Variants in ADGRD1 observed in about 807,000 individuals in gnomAD.
The protein encoded by ADGRD1 is adhesion G protein-coupled receptor D1, also known as G-protein coupled receptor 133.
A neutral mutation model predicts 113.4 loss-of-function variants in ADGRD1; 77 were observed. The ratio of observed to expected loss-of-function variants is 0.68; its 90% CI spans 0.57 to 0.82. The LOEUF is 0.82. ADGRD1 is among the 40% of genes least tolerant of loss of function. The pLI is 0.00. For missense variants in ADGRD1, 1,036 were observed against 1,139.1 expected (o/e 0.91, Z 1.30); for synonymous variants, 474 against 475.0 (o/e 1.00, Z 0.03).
At chr12:130,973,928 A>G (rs1424676349) in intron 4 of ADGRD1, among the ~76,000 whole-genome samples, 1 of 152,174 alleles carries the variant, frequency 6.6e-6, no homozygotes. Context: ...TCTCTAACTT[A>G]AAGAAAAAGA....
intron 4 of ADGRD1, among the ~76,000 whole-genome samples, chr12:130,974,271 G>A (rs1043374225): frequency 6.6e-6 from 1 of 152,314 alleles, no homozygotes; most frequent in African/African-American, 2.4e-5. Context: ...AGGAGGCAGA[G>A]GAGGCCTTCT....
Position 131,003,043 on chromosome 12 carries a change from C to T in ADGRD1, c.1027-142C>T. 1.3e-6 allele frequency: 1 copy of T among 765,408 alleles called. No individual in the cohort carries two copies. The highest frequency in any genetic ancestry group is 1.5e-5 in the South Asian group (1 of 64,670). The allele number at this position is 765,408 out of a possible 1,614,324, so 47.4% of individuals were successfully genotyped here. On this transcript the variant is annotated intron_variant, in intron 9 of 24. Coordinates refer to ENST00000261654, the MANE Select transcript of ADGRD1 (RefSeq NM_198827.5). The surrounding 1 kb of genome is among the most constrained non-coding windows in gnomAD (Gnocchi z 4.8). Reference sequence around the variant, plus strand: ...GCCTCCGTGTGGTCCCCTCCTGATCCATGGGAAGGGGCAGTTGTGTGACTT... The same window carrying T: ...GCCTCCGTGTGGTCCCCTCCTGATCTATGGGAAGGGGCAGTTGTGTGACTT...
At chr12:131,018,366 C>T (rs967042709) in intron 13 of ADGRD1, among the ~76,000 whole-genome samples, 10 of 152,180 alleles carry the variant, frequency 6.6e-5, no homozygotes, top group South Asian at 2.1e-4. Flanking sequence ...GGTTAAATCC[C>T]GCCTTGCCCC....
intron 5 of ADGRD1, among the ~76,000 whole-genome samples, chr12:130,982,599 G>A (rs978059176): frequency 6.6e-6 from 1 of 152,294 alleles, no homozygotes; most frequent in East Asian, 1.9e-4. Flanking sequence ...ACGAGAAGAA[G>A]CTTTTGGAGA....
At chr12:131,073,784 T>A (rs925212589) in intron 13 of ADGRD1, among the ~76,000 whole-genome samples, 6 of 152,188 alleles carry the variant, frequency 3.9e-5, no homozygotes. Context: ...TGAAAGAGAC[T>A]GCAAGAGCGA....
At chr12:130,974,157 G>A (rs1439680672) in intron 4 of ADGRD1, among the ~76,000 whole-genome samples, 1 of 152,072 alleles carries the variant, frequency 6.6e-6, no homozygotes, top group African/African-American at 2.4e-5. Flanking sequence ...TGGCTCAGGC[G>A]GATTCTCCTG....
intron 15 of ADGRD1, among the ~76,000 whole-genome samples, chr12:131,095,437 G>A (rs190084187): frequency 6.6e-6 from 1 of 152,388 alleles, no homozygotes; most frequent in East Asian, 1.9e-4. Context: ...AGAAGTGTCT[G>A]CTCTGGAGTG....
chr12:131,107,882 A>C (rs570590506), intron 17 of ADGRD1, among the ~76,000 whole-genome samples: 1 of 152,354 alleles, frequency 6.6e-6, no homozygotes, highest in African/African-American at 2.4e-5. Flanking sequence ...TTGGAGCGCC[A>C]GCAGAGCTGG....
intron 13 of ADGRD1, among the ~76,000 whole-genome samples, chr12:131,043,725 G>A (rs567379146): frequency 5.5e-4 from 84 of 152,352 alleles, no homozygotes; most frequent in Non-Finnish European, 8.2e-4. Context: ...GAGTGCACCC[G>A]CAGGGCTGGG....
chr12:131,049,506 A>G (rs1395289662), intron 13 of ADGRD1, among the ~76,000 whole-genome samples: 6 of 152,146 alleles, frequency 3.9e-5, no homozygotes, highest in Non-Finnish European at 7.4e-5. Context: ...GTCACTTCCT[A>G]ATATGCCTTA....
chr12:130,987,001 T>C, intron 5 of ADGRD1, 94 bp from the exon 6 acceptor site: 2 of 1,088,338 alleles, frequency 1.8e-6, no homozygotes, highest in Non-Finnish European at 2.7e-6. Context: ...TTGATCACCT[T>C]AAGAAAGAAG....
At chr12:131,059,127 C>T (rs1884113166) in intron 13 of ADGRD1, among the ~76,000 whole-genome samples, 1 of 152,082 alleles carries the variant, frequency 6.6e-6, no homozygotes. Context: ...ACTACTCTTT[C>T]CTCTGTCCTC....
chr12:130,986,743 T>G, intron 5 of ADGRD1: 1 of 244,772 alleles, frequency 4.1e-6, no homozygotes, highest in South Asian at 7.8e-5. Context: ...CCATTTTTTC[T>G]TAACTGAGCT....
intron 3 of ADGRD1, chr12:130,970,776 G>C (rs923401790): frequency 6.6e-6 from 1 of 152,522 alleles, no homozygotes; most frequent in Admixed American, 6.5e-5. Flanking sequence ...ATTGGACGGG[G>C]CAGTGCCCCT....
chr12:130,987,251 A>G lies in ADGRD1; in HGVS notation c.647A>G (p.Gln216Arg). The G allele has an allele frequency of 6.2e-7, 1 of 1,614,246 alleles. No homozygotes were observed. The highest frequency in any genetic ancestry group is 2.2e-5 in the East Asian group (1 of 44,892). Residue 216 changes from glutamine (Q) to arginine (R), a missense_variant, in exon 6 of 25, where the codon CAG becomes CGG. Transcript: ENST00000261654. ...CTCGTGATAGGGTCTGAGCAGGACC[A>G]GGCCAAGTGTTATGAGAACGGTGCT... ...VNLVIGSEQD[Q>R]AKCYENGAFD...
At chr12:131,087,546 C>T (rs900119542) in intron 15 of ADGRD1, among the ~76,000 whole-genome samples, 2 of 152,224 alleles carry the variant, frequency 1.3e-5, no homozygotes, top group Non-Finnish European at 2.9e-5. Flanking sequence ...TTAGAGGTTC[C>T]GAAGGGGCGG....
In ADGRD1 at chr12:131,048,302, C is replaced by T. The variant is rs190775664; in HGVS notation, c.1474-28499C>T. 3.9e-5 allele frequency among the ~76,000 whole-genome samples: 6 copies of T among 152,336 alleles called. No homozygotes were observed. In the East Asian group the frequency reaches 5.8e-4, roughly 15 times the overall value. Reference sequence around the variant, plus strand: ...GCAGCCCCGCACCATCTGTGAGTCTCGCACTCCCCAGGGAGCACGTTTCCT... The same window carrying T: ...GCAGCCCCGCACCATCTGTGAGTCTTGCACTCCCCAGGGAGCACGTTTCCT... On this transcript the variant is annotated intron_variant, in intron 13 of 24. Coordinates refer to ENST00000261654, the MANE Select transcript of ADGRD1 (RefSeq NM_198827.5).
intron 13 of ADGRD1, among the ~76,000 whole-genome samples, chr12:131,040,766 A>T (rs2136982406): frequency 6.6e-6 from 1 of 152,380 alleles, no homozygotes; most frequent in Middle Eastern, 3.4e-3. Flanking sequence ...CGCATGCGAC[A>T]GTCATTTGGG....
intron 13 of ADGRD1, among the ~76,000 whole-genome samples, chr12:131,071,904 G>A (rs1885208716): frequency 6.6e-6 from 1 of 150,772 alleles, no homozygotes; most frequent in South Asian, 2.2e-4. Context: ...AATGCCAAAT[G>A]CAGAACCTGG....
Sources: allele counts gnomAD v4.1 joint callset (sites outside exome capture counted in the v4.1 genomes callset), GRCh38; gene constraint gnomAD v4.1.1; non-coding constraint Gnocchi (gnomAD v3.1); transcripts MANE v1.5; gene names NCBI Gene and HGNC (gene_info 2026-07-23, HGNC 2026-07-21).